Variants in ZNF423 observed in about 807,000 individuals in gnomAD.
The protein encoded by ZNF423 is zinc finger protein 423, also known as Ebf-associated zinc finger protein.
In ZNF423, 12 loss-of-function variants were observed where a neutral mutation model predicts 95.8. The ratio of observed to expected loss-of-function variants is 0.13; its 90% CI spans 0.08 to 0.20. The LOEUF (loss-of-function observed/expected upper bound fraction) is 0.20, where lower values mean the gene tolerates loss of function less well. Among genes scored for constraint, ZNF423 ranks in the 10% least tolerant of loss-of-function variants. The pLI is 1.00. For missense variants in ZNF423, 1,316 were observed against 1,737.1 expected (o/e 0.76, Z 4.31); for synonymous variants, 749 against 711.9 (o/e 1.05, Z -0.83).
At chr16:49,661,654 C>G (rs951460034) in intron 3 of ZNF423, among the ~76,000 whole-genome samples, 1 of 152,220 alleles carries the variant, frequency 6.6e-6, no homozygotes, top group Non-Finnish European at 1.5e-5. Flanking sequence ...AATCAGCCAG[C>G]GACTGCACTG....
intron 5 of ZNF423, among the ~76,000 whole-genome samples, chr16:49,538,987 A>C (rs1969154018): frequency 6.6e-6 from 1 of 152,230 alleles, no homozygotes; most frequent in Non-Finnish European, 1.5e-5. Context: ...ACAGAGCCAG[A>C]CAAACACGAG....
rs373754795 is a variant in ZNF423 at position 49,700,383 on chromosome 16, G to A, written c.301+30388C>T. ...CCAAGCCCCTGCTGAAGCCCACAGG[G>A]CCTGCTGGGAGCAGAAAAGGCCCCT... On this transcript the variant is annotated intron_variant, in intron 3 of 7. Coordinates refer to ENST00000563137, the MANE Select transcript of ZNF423 (RefSeq NM_001379286.1). Among the ~76,000 whole-genome samples, 118 of 152,306 alleles carry A rather than the reference G, an allele frequency of 7.7e-4. 1 individual carries two copies. The highest frequency in any genetic ancestry group is 2.6e-3 in the African/African-American group (109 of 41,578).
intron 1 of ZNF423, among the ~76,000 whole-genome samples, chr16:49,801,730 G>A (rs570791586): frequency 4.4e-4 from 67 of 152,326 alleles, no homozygotes; most frequent in South Asian, 1.7e-3. Flanking sequence ...ACTTTGATGC[G>A]TGCTTAAGTT....
At chr16:49,498,578 C>G (rs927264646) in intron 7 of ZNF423, among the ~76,000 whole-genome samples, 3 of 152,182 alleles carry the variant, frequency 2.0e-5, no homozygotes, top group Non-Finnish European at 4.4e-5. Context: ...AGGCAAGACA[C>G]AGGGAGAAGC....
intron 3 of ZNF423, among the ~76,000 whole-genome samples, chr16:49,642,122 C>T (rs187011618): frequency 1.3e-5 from 2 of 152,340 alleles, no homozygotes; most frequent in African/African-American, 4.8e-5. Context: ...GAATGTCCCA[C>T]GTGCCAGCAC....
chr16:49,491,054 C>T lies in ZNF423; in HGVS notation c.*221G>A. 1.7e-6 allele frequency: 1 copy of T among 582,768 alleles called. No homozygotes were observed. Among genetic ancestry groups the T allele is most frequent in the Non-Finnish European group, 3.1e-6 (1 of 326,402 alleles). 36.1% of individuals were successfully genotyped at this position (582,768 alleles called of 1,614,324 possible). ...GGCGGAAAGTCTAAAAGCACACTAG[C>T]TGTAGCAGGACAATAAAAAATACTG... On this transcript the variant is annotated 3_prime_UTR_variant, in exon 8 of 8. Coordinates refer to ENST00000563137, the MANE Select transcript of ZNF423 (RefSeq NM_001379286.1).
intron 2 of ZNF423, among the ~76,000 whole-genome samples, chr16:49,773,129 G>A (rs142571248): frequency 0.021 from 3,208 of 152,260 alleles, 103 homozygotes; most frequent in African/African-American, 0.074. Context: ...GACCAGCCTG[G>A]CCAACATGGC....
At chr16:49,605,507 A>G (rs1005199748) in intron 5 of ZNF423, among the ~76,000 whole-genome samples, 1 of 152,202 alleles carries the variant, frequency 6.6e-6, no homozygotes, top group African/African-American at 2.4e-5. Context: ...AAACAAAGAG[A>G]GAACTCCAAC....
intron 2 of ZNF423, among the ~76,000 whole-genome samples, chr16:49,750,071 TCTC>T: frequency 6.6e-6 from 1 of 152,324 alleles, no homozygotes; most frequent in Middle Eastern, 3.4e-3. Flanking sequence ...GAACAGCCCA[TCTC>T]TGGCTGTCAC....
At chr16:49,493,453 C>T (rs778309430) in intron 7 of ZNF423, among the ~76,000 whole-genome samples, 5 of 152,312 alleles carry the variant, frequency 3.3e-5, no homozygotes, top group Middle Eastern at 6.8e-3. Flanking sequence ...CCTGACCATA[C>T]GCCTGGGCCT....
chr16:49,653,950 G>A (rs986471826), intron 3 of ZNF423, among the ~76,000 whole-genome samples: 4 of 152,186 alleles, frequency 2.6e-5, no homozygotes, highest in Non-Finnish European at 5.9e-5. Context: ...CCTCTGCAGA[G>A]CCCTTTCTGT....
intron 1 of ZNF423, chr16:49,853,846 G>T: frequency 1.0e-6 from 1 of 985,344 alleles, no homozygotes; most frequent in Non-Finnish European, 1.2e-6. Context: ...GCCGTCTAAC[G>T]TAAGGAGGTT....
At chr16:49,776,163 G>A (rs1055487999) in intron 2 of ZNF423, among the ~76,000 whole-genome samples, 4 of 152,298 alleles carry the variant, frequency 2.6e-5, no homozygotes, top group Non-Finnish European at 2.9e-5. Context: ...CAGCGGAGAC[G>A]GAAGGCTGAG....
At chr16:49,721,166 TG>T (rs2032855118) in intron 3 of ZNF423, among the ~76,000 whole-genome samples, 1 of 152,196 alleles carries the variant, frequency 6.6e-6, no homozygotes, top group Non-Finnish European at 1.5e-5. Flanking sequence ...TCTCAGTTCC[TG>T]GAGCCAATGA....
chr16:49,858,661 C>T (rs983824506), upstream of ZNF423, among the ~76,000 whole-genome samples: 11 of 152,016 alleles, frequency 7.2e-5, 1 homozygote, highest in Admixed American at 6.5e-4. The surrounding 1 kb of genome is among the most constrained non-coding windows in gnomAD (Gnocchi z 4.3). Flanking sequence ...CACAGTCCTC[C>T]CCAGCTTGTG....
In ZNF423 at chr16:49,614,487, T is replaced by G. The variant is rs78047574; in HGVS notation, c.3601+11683A>C. The stretch of plus-strand genomic sequence containing the variant: ...TAACGAAAACTTAAATATAATTCCA[T>G]TTATATAACAGTCTTGAAATGATAA... On this transcript the variant is annotated intron_variant, in intron 5 of 7. Coordinates refer to ENST00000563137, the MANE Select transcript of ZNF423 (RefSeq NM_001379286.1). Among the ~76,000 whole-genome samples, 661 of 152,334 alleles carry G rather than the reference T, an allele frequency of 4.3e-3. 6 individuals carry two copies. The highest frequency in any genetic ancestry group is 0.015 in the African/African-American group (606 of 41,580).
chr16:49,854,427 C>T, intron 1 of ZNF423: 1 of 985,438 alleles, frequency 1.0e-6, no homozygotes, highest in Non-Finnish European at 1.2e-6. Context: ...AGGCGCAAGG[C>T]TGGCAGGAAG....
intron 1 of ZNF423, among the ~76,000 whole-genome samples, chr16:49,809,142 T>G (rs1461552850): frequency 6.6e-6 from 1 of 152,378 alleles, no homozygotes; most frequent in East Asian, 1.9e-4. Flanking sequence ...TACTTGGTTG[T>G]GTTTATTTAA....
At chr16:49,574,202 A>C (rs577301602) in intron 5 of ZNF423, among the ~76,000 whole-genome samples, 2 of 152,134 alleles carry the variant, frequency 1.3e-5, no homozygotes, top group Admixed American at 1.3e-4. Context: ...TGGGCCACAT[A>C]GTGGGACCCG....
Sources: gnomAD v4.1 joint callset for allele counts (sites outside exome capture counted in the v4.1 genomes callset) on GRCh38, gnomAD v4.1.1 for gene constraint, Gnocchi (gnomAD v3.1) non-coding constraint, MANE v1.5 for transcripts, NCBI Gene and HGNC (gene_info 2026-07-23, HGNC 2026-07-21) for gene names.